Variants in PCSK5 observed in about 807,000 individuals in gnomAD.
PCSK5 encodes the protein proprotein convertase subtilisin/kexin type 5.
Under a neutral mutation model 233.2 loss-of-function variants are expected in PCSK5, and 129 were observed. That is an observed-to-expected ratio of 0.55 (90% confidence interval 0.48 to 0.64). The LOEUF is 0.64. Ranked by LOEUF, PCSK5 falls within the 30% of genes least tolerant of loss-of-function variation. The pLI, the probability that PCSK5 is intolerant of heterozygous loss-of-function variation, is 0.00. For synonymous variants in PCSK5, 825 were observed against 879.2 expected (o/e 0.94, Z 1.09); for missense variants, 2,076 against 2,430.1 (o/e 0.85, Z 3.06).
intron 1 of PCSK5, among the ~76,000 whole-genome samples, chr9:75,896,690 G>A (rs900472579): frequency 6.6e-6 from 1 of 151,996 alleles, no homozygotes; most frequent in Admixed American, 6.6e-5. Context: ...AGACATTAAT[G>A]CATGCTAGAA....
intron 20 of PCSK5, among the ~76,000 whole-genome samples, chr9:76,213,285 G>A (rs139354967): frequency 3.9e-5 from 6 of 152,338 alleles, no homozygotes; most frequent in East Asian, 3.9e-4. Context: ...ATTTCAGATA[G>A]TTGAAGTTTT....
At position 76,133,979 on chromosome 9, in the gene PCSK5, C is replaced by T. The variant is rs961698095; in HGVS notation, c.1209-130C>T. 85 of 642,982 alleles carry T rather than the reference C, an allele frequency of 1.3e-4. 1 individual carries two copies. The East Asian group carries it at 2.4e-3, about 18-fold the overall frequency. The allele number at this position is 642,982 out of a possible 1,614,324, so 39.8% of individuals were successfully genotyped here. ...GCATTTGGCATTTGGTTATCCCAAA[C>T]CCAAATCTCTGACCCTTTGTTTTTA... On this transcript the variant is annotated intron_variant, in intron 9 of 37. Coordinates refer to ENST00000674117, the MANE Select transcript of PCSK5 (RefSeq NM_001372043.1).
chr9:76,259,394 G>A (rs944777323), intron 24 of PCSK5, among the ~76,000 whole-genome samples: 2 of 151,310 alleles, frequency 1.3e-5, no homozygotes, highest in Non-Finnish European at 2.9e-5. Context: ...CAGTTTAAAT[G>A]TCAGCTCCTA....
At chr9:76,055,263 C>A (rs997910234) in intron 5 of PCSK5, among the ~76,000 whole-genome samples, 3 of 152,058 alleles carry the variant, frequency 2.0e-5, no homozygotes, top group Non-Finnish European at 4.4e-5. Flanking sequence ...GTTTTCCTGA[C>A]TCTCTTCCCC....
intron 20 of PCSK5, among the ~76,000 whole-genome samples, chr9:76,197,789 C>T (rs1037355547): frequency 1.3e-5 from 2 of 152,178 alleles, no homozygotes; most frequent in African/African-American, 2.4e-5. Flanking sequence ...CAGGGCCCTG[C>T]GCCCAATATG....
chr9:75,951,880 C>T (rs1342914959), intron 2 of PCSK5, among the ~76,000 whole-genome samples: 2 of 152,130 alleles, frequency 1.3e-5, no homozygotes, highest in African/African-American at 4.8e-5. Context: ...AATACTCCTC[C>T]ATCGCAGTTG....
chr9:76,049,845 C>T (rs906592430), intron 5 of PCSK5, among the ~76,000 whole-genome samples: 2 of 152,202 alleles, frequency 1.3e-5, no homozygotes, highest in Non-Finnish European at 2.9e-5. Context: ...TTCTCCATCA[C>T]TCAATCATTA....
At chr9:76,051,518 A>G (rs1263668137) in intron 5 of PCSK5, among the ~76,000 whole-genome samples, 4 of 152,184 alleles carry the variant, frequency 2.6e-5, no homozygotes, top group African/African-American at 9.7e-5. Flanking sequence ...AGCATTTCTG[A>G]CAGTTCATTA....
chr9:76,233,483 T>C lies in PCSK5; in HGVS notation c.2753T>C (p.Val918Ala), dbSNP rs1255315059. ...AGGATTTTTGATGATGGCCGCTGTGTTTCGAACTGCCCCTCATGGAAATTT... is the reference window on the plus strand; with the variant it reads ...AGGATTTTTGATGATGGCCGCTGTGCTTCGAACTGCCCCTCATGGAAATTT... ...MTRIFDDGRC[V>A]SNCPSWKFEF... The change falls in exon 22 of 38, where the codon GTT (valine) becomes GCT (alanine). Residue 918 changes from valine to alanine, a missense_variant. By Grantham distance (64) the Val-to-Ala change is moderately conservative (BLOSUM62 0). Coordinates refer to ENST00000674117, the MANE Select transcript of PCSK5 (RefSeq NM_001372043.1). 6.2e-7 allele frequency: 1 copy of C among 1,612,634 alleles called. No homozygotes were observed. Among genetic ancestry groups the C allele is most frequent in the African/African-American group, 1.3e-5 (1 of 74,930 alleles).
rs554990544 is a variant in PCSK5 at position 76,075,010 on chromosome 9, A to G, written c.894+3112A>G. ...CAAGGAGGGCGGATCACCTGAGGTC[A>G]GGAGTTCGAGATCAGCCTGGCCAAC... On this transcript the variant is annotated intron_variant, in intron 7 of 37. Transcript: ENST00000674117. Among the ~76,000 whole-genome samples, 608 of 152,274 alleles carry G rather than the reference A, an allele frequency of 4.0e-3. 7 individuals carry two copies. The highest frequency in any genetic ancestry group is 0.014 in the African/African-American group (586 of 41,554).
At chr9:76,105,492 C>T (rs1384541303) in intron 8 of PCSK5, among the ~76,000 whole-genome samples, 2 of 152,116 alleles carry the variant, frequency 1.3e-5, no homozygotes, top group Non-Finnish European at 1.5e-5. Flanking sequence ...TTGTACTGTA[C>T]GCATAAAAAT....
In PCSK5 at chr9:76,209,127, C is replaced by T. The variant is rs149916827; in HGVS notation, c.2627-18376C>T. 3.9e-5 allele frequency among the ~76,000 whole-genome samples: 6 copies of T among 152,308 alleles called. No individual in the cohort carries two copies. The East Asian group carries it at 9.6e-4, about 24-fold the overall frequency. On this transcript the variant is annotated intron_variant, in intron 20 of 37. Coordinates refer to ENST00000674117, the MANE Select transcript of PCSK5 (RefSeq NM_001372043.1). Reference sequence around the variant, plus strand: ...CTAGATAGAATAGGGCTGGTGTGCTCTGAAGCCACAAATGTCTAGCCTACT... The same window carrying T: ...CTAGATAGAATAGGGCTGGTGTGCTTTGAAGCCACAAATGTCTAGCCTACT...
chr9:75,917,329 A>G (rs1823050523), intron 1 of PCSK5, among the ~76,000 whole-genome samples: 1 of 152,230 alleles, frequency 6.6e-6, no homozygotes. Context: ...ATCACGTATG[A>G]TGCTGAAACA....
At chr9:76,218,274 G>A (rs1825609647) in intron 20 of PCSK5, among the ~76,000 whole-genome samples, 1 of 152,092 alleles carries the variant, frequency 6.6e-6, no homozygotes, top group South Asian at 2.1e-4. Context: ...CTGTCTCCAG[G>A]CGATGCTAAT....
chr9:76,236,021 G>A (rs1165107432), intron 22 of PCSK5, among the ~76,000 whole-genome samples: 1 of 152,168 alleles, frequency 6.6e-6, no homozygotes, highest in East Asian at 1.9e-4. Flanking sequence ...GTTTAATTGT[G>A]ACTTCATTAA....
intron 1 of PCSK5, among the ~76,000 whole-genome samples, chr9:75,907,004 C>G (rs1466598921): frequency 6.6e-6 from 1 of 152,184 alleles, no homozygotes; most frequent in Non-Finnish European, 1.5e-5. Flanking sequence ...AATGTCAACT[C>G]TTGTCTATGG....
At chr9:75,898,434 A>G (rs890866158) in intron 1 of PCSK5, among the ~76,000 whole-genome samples, 3 of 152,166 alleles carry the variant, frequency 2.0e-5, no homozygotes, top group African/African-American at 7.2e-5. Context: ...TATTGAAATT[A>G]ACACCTGAAA....
rs1409620563 is a variant in PCSK5 at position 76,319,073 on chromosome 9, C to A, written c.3885-2349C>A. Among the ~76,000 whole-genome samples, 5 of 152,174 alleles carry A rather than the reference C, an allele frequency of 3.3e-5. No homozygotes were observed. In the East Asian group the frequency reaches 9.6e-4, roughly 29 times the overall value. On this transcript the variant is annotated intron_variant, in intron 30 of 37. Coordinates refer to ENST00000674117, the MANE Select transcript of PCSK5 (RefSeq NM_001372043.1). Reference sequence around the variant, plus strand: ...AGTTGAGGACACATGCCCATGACAGCCTCAGGAGTTCCTGATGACATGTGC... The same window carrying A: ...AGTTGAGGACACATGCCCATGACAGACTCAGGAGTTCCTGATGACATGTGC...
intron 9 of PCSK5, among the ~76,000 whole-genome samples, chr9:76,123,568 TA>T (rs1832728963): frequency 6.6e-6 from 1 of 152,190 alleles, no homozygotes; most frequent in Non-Finnish European, 1.5e-5. Flanking sequence ...AATTATTTTT[TA>T]TTATTTTTTA....
Sources: gnomAD v4.1 joint callset for allele counts (sites outside exome capture counted in the v4.1 genomes callset) on GRCh38, gnomAD v4.1.1 for gene constraint, MANE v1.5 for transcripts, NCBI Gene and HGNC (gene_info 2026-07-23, HGNC 2026-07-21) for gene names.